COLEC11: variants seen among roughly 807,000 people sequenced by gnomAD.
COLEC11 encodes the protein collectin-11.
Under a neutral mutation model 27.3 loss-of-function variants are expected in COLEC11, and 20 were observed. The observed-to-expected ratio is 0.73, with a 90% CI of 0.51 to 1.06. The LOEUF (loss-of-function observed/expected upper bound fraction) is 1.06. COLEC11 is among the 50% of genes least tolerant of loss of function. COLEC11 has a pLI of 0.00. For missense variants in COLEC11, 310 were observed against 383.0 expected (o/e 0.81, Z 1.59); for synonymous variants, 163 against 154.7 (o/e 1.05, Z -0.40).
chr2:3,602,961 A>C lies in COLEC11; in HGVS notation c.-26-1354A>C, dbSNP rs1450022727. Among the ~76,000 whole-genome samples the C allele has an allele frequency of 6.6e-6, 1 of 152,254 alleles. No individual in the cohort carries two copies. Among genetic ancestry groups the C allele is most frequent in the East Asian group, 1.9e-4 (1 of 5,196 alleles). On this transcript the variant is annotated intron_variant, in intron 1 of 6. Coordinates refer to ENST00000349077, the MANE Select transcript of COLEC11 (RefSeq NM_024027.5). This position sits in a 1 kb window ranked among gnomAD's most constrained non-coding sequence, Gnocchi z 6.2. The stretch of plus-strand genomic sequence containing the variant: ...TGTCTGTCTGTCTCTTCCAATAGGA[A>C]TAAAAACATAAATGTTCTTGCTCTA...
At chr2:3,604,812 T>C (rs1662513047) in intron 2 of COLEC11, among the ~76,000 whole-genome samples, 1 of 152,116 alleles carries the variant, frequency 6.6e-6, no homozygotes, top group Non-Finnish European at 1.5e-5. Context: ...ATTTTACAGA[T>C]AAGGAAATTT....
intron 5 of COLEC11, among the ~76,000 whole-genome samples, chr2:3,641,016 ACACC>A (rs1302233367): frequency 1.1e-5 from 1 of 88,954 alleles, no homozygotes; most frequent in East Asian, 3.6e-4. Flanking sequence ...CCCACGGTGG[ACACC>A]CACCCACCAT....
chr2:3,602,342 C>T lies in COLEC11; in HGVS notation c.-26-1973C>T, dbSNP rs1433916731. Reference sequence around the variant, plus strand: ...AGTGTCTCAGACTCGGAAAGTTGAACCCGAGCCCCTGACTTCACTTCACCT... The same window carrying T: ...AGTGTCTCAGACTCGGAAAGTTGAATCCGAGCCCCTGACTTCACTTCACCT... On this transcript the variant is annotated intron_variant, in intron 1 of 6. Coordinates refer to ENST00000349077, the MANE Select transcript of COLEC11 (RefSeq NM_024027.5). This position sits in a 1 kb window ranked among gnomAD's most constrained non-coding sequence, Gnocchi z 6.2. Among the ~76,000 whole-genome samples the T allele has an allele frequency of 6.6e-6, 1 of 152,112 alleles. No homozygotes were observed. Among genetic ancestry groups the T allele is most frequent in the Non-Finnish European group, 1.5e-5 (1 of 68,028 alleles).
intron 5 of COLEC11, chr2:3,641,346 C>A (rs1158111397): frequency 7.7e-7 from 1 of 1,302,500 alleles, no homozygotes; most frequent in East Asian, 5.6e-5. Flanking sequence ...ACTGACTGGC[C>A]GAGCAGCATC....
intron 2 of COLEC11, chr2:3,605,957 G>A (rs1558488946): frequency 8.1e-6 from 9 of 1,116,594 alleles, no homozygotes; most frequent in Non-Finnish European, 1.1e-5. Flanking sequence ...AAGCCCAGTG[G>A]CCTTTGTGCT....
chr2:3,608,440 C>G (rs532137866), intron 2 of COLEC11, among the ~76,000 whole-genome samples: 1 of 152,246 alleles, frequency 6.6e-6, no homozygotes, highest in East Asian at 1.9e-4. Context: ...TGAGTGGGGA[C>G]GTGTATAGAA....
At position 3,643,786 on chromosome 2, in the gene COLEC11, C is replaced by A. The variant is rs767209845; in HGVS notation, c.484C>A (p.Arg162Ser). 2.5e-6 allele frequency: 4 copies of A among 1,613,482 alleles called. No individual in the cohort carries two copies. The African/African-American group carries it at 5.3e-5, about 22-fold the overall frequency. ...KIYLLVKEEK[R>S]YADAQLSCQG... ...CTACCTGCTGGTGAAGGAGGAGAAG[C>A]GCTACGCGGACGCCCAGCTGTCCTG... is the stretch of plus-strand genomic sequence containing the variant. Residue 162 changes from arginine (R) to serine (S), a missense_variant, in exon 7 of 7, where the codon CGC (arginine) becomes AGC (serine). Coordinates refer to ENST00000349077, the MANE Select transcript of COLEC11 (RefSeq NM_024027.5).
chr2:3,635,304 C>T (rs1220221611), intron 3 of COLEC11, among the ~76,000 whole-genome samples: 1 of 152,096 alleles, frequency 6.6e-6, no homozygotes, highest in South Asian at 2.1e-4. Flanking sequence ...CCAATCTGGG[C>T]GTTTTTCTTA....
chr2:3,608,153 C>T (rs4850068), intron 2 of COLEC11, among the ~76,000 whole-genome samples: 91,086 of 152,136 alleles, frequency 0.6, 29,182 homozygotes, highest in South Asian at 0.82. Context: ...ACCCCAAATA[C>T]GATCTAGGTA....
chr2:3,640,236 C>T (rs1174523392), intron 4 of COLEC11, 42 bp from the exon 5 acceptor site: 1 of 1,210,252 alleles, frequency 8.3e-7, no homozygotes, highest in East Asian at 2.3e-5. Flanking sequence ...TAGAACATGT[C>T]CATCTCTGCC....
intron 1 of COLEC11, chr2:3,603,275 T>C (rs1662372143): frequency 5.8e-6 from 1 of 171,610 alleles, no homozygotes. Context: ...TCAAGTTGAG[T>C]AGTTTCCATT....
chr2:3,611,777 G>C (rs924414484), intron 2 of COLEC11, among the ~76,000 whole-genome samples: 11 of 151,980 alleles, frequency 7.2e-5, no homozygotes, highest in African/African-American at 2.7e-4. Context: ...TAAATGGAAA[G>C]TCCCCTCCGT....
At chr2:3,610,513 C>T (rs1323171598) in intron 2 of COLEC11, among the ~76,000 whole-genome samples, 1 of 152,198 alleles carries the variant, frequency 6.6e-6, no homozygotes. Context: ...AGGAAACATT[C>T]TTCCGCCCTC....
chr2:3,612,688 G>A (rs776852428), intron 2 of COLEC11, among the ~76,000 whole-genome samples: 47 of 152,088 alleles, frequency 3.1e-4, no homozygotes, highest in African/African-American at 9.7e-4. Flanking sequence ...GCCTCACTGC[G>A]CACATCTCTG....
intron 1 of COLEC11, among the ~76,000 whole-genome samples, chr2:3,598,366 A>G (rs1394949603): frequency 6.6e-6 from 1 of 152,260 alleles, no homozygotes; most frequent in Non-Finnish European, 1.5e-5. Flanking sequence ...AAACACCACG[A>G]GGAGAAGAGC....
Position 3,643,988 on chromosome 2 carries a change from G to A in COLEC11, c.686G>A (p.Arg229His), listed in dbSNP as rs756455956. The A allele has an allele frequency of 1.2e-5, 19 of 1,614,014 alleles. No homozygotes were observed. Among genetic ancestry groups the A allele is most frequent in the South Asian group, 3.3e-5 (3 of 91,094 alleles). The stretch of plus-strand genomic sequence containing the variant: ...CCCATGCGGACCTTCAACAAGTGGC[G>A]CAGCGGTGAGCCCAACAATGCCTAC... Reference protein sequence around the residue: ...HSPMRTFNKWRSGEPNNAYDE... With the variant: ...HSPMRTFNKWHSGEPNNAYDE... Residue 229 changes from arginine to histidine, a missense_variant, in exon 7 of 7, where the codon CGC becomes CAC. Physicochemically the swap from Arg to His is conservative, Grantham distance 29 (BLOSUM62 0). Coordinates refer to ENST00000349077, the MANE Select transcript of COLEC11 (RefSeq NM_024027.5).
intron 1 of COLEC11, among the ~76,000 whole-genome samples, chr2:3,600,143 G>A (rs112729234): frequency 0.11 from 16,322 of 151,376 alleles, 928 homozygotes; most frequent in Admixed American, 0.16. Flanking sequence ...GCTGAGGCGG[G>A]AGAATGGCGT....
At chr2:3,608,394 G>A (rs543325432) in intron 2 of COLEC11, among the ~76,000 whole-genome samples, 12 of 152,258 alleles carry the variant, frequency 7.9e-5, no homozygotes, top group African/African-American at 2.9e-4. Flanking sequence ...ATGTCATTGT[G>A]CTCGCTGGGT....
chr2:3,622,168 CAAA>C (rs1211301931), intron 3 of COLEC11, among the ~76,000 whole-genome samples: 6 of 85,472 alleles, frequency 7.0e-5, no homozygotes, highest in Admixed American at 2.7e-4. Context: ...GACTCCATCT[CAAA>C]AAAAAAAAAA....
Sources: allele counts gnomAD v4.1 joint callset (sites outside exome capture counted in the v4.1 genomes callset), GRCh38; gene constraint gnomAD v4.1.1; non-coding constraint Gnocchi (gnomAD v3.1); transcripts MANE v1.5; gene names NCBI Gene and HGNC (gene_info 2026-07-23, HGNC 2026-07-21).